UNC13C: variants seen among roughly 807,000 people sequenced by gnomAD.
The protein encoded by UNC13C is protein unc-13 homolog C.
A neutral mutation model predicts 245.4 loss-of-function variants in UNC13C; 174 were observed. That is an observed-to-expected ratio of 0.71 (90% CI 0.63 to 0.80). The LOEUF (loss-of-function observed/expected upper bound fraction) is 0.80, where lower values mean the gene tolerates loss of function less well. Ranked by LOEUF, UNC13C falls within the 30% of genes least tolerant of loss-of-function variation. The pLI is 0.00. For synonymous variants in UNC13C, 992 were observed against 895.1 expected, an observed-to-expected ratio of 1.11 and a Z score of -1.93; for missense variants, 2,829 against 2,602.9, an observed-to-expected ratio of 1.09 and a Z score of -1.89.
intron 1 of UNC13C, among the ~76,000 whole-genome samples, chr15:53,988,938 C>G (rs1280908866): frequency 1.3e-5 from 2 of 151,922 alleles, no homozygotes. Context: ...TCCATATTGT[C>G]AGTATTTTTA....
chr15:54,472,997 C>T (rs187845526), intron 19 of UNC13C, among the ~76,000 whole-genome samples: 1 of 151,592 alleles, frequency 6.6e-6, no homozygotes, highest in East Asian at 1.9e-4. Flanking sequence ...GTTATTCAAC[C>T]CTCTTTTCCC....
At chr15:54,554,273 A>C (rs2141195065) in intron 28 of UNC13C, among the ~76,000 whole-genome samples, 1 of 152,078 alleles carries the variant, frequency 6.6e-6, no homozygotes, top group African/African-American at 2.4e-5. Flanking sequence ...GGCAACTACC[A>C]AATAAAACAG....
intron 30 of UNC13C, among the ~76,000 whole-genome samples, chr15:54,597,344 A>G (rs911971894): frequency 6.6e-6 from 1 of 152,184 alleles, no homozygotes; most frequent in African/African-American, 2.4e-5. Context: ...GAAGAATCCT[A>G]CCAGGTACGT....
chr15:54,624,844 A>G (rs1015417308), intron 32 of UNC13C, among the ~76,000 whole-genome samples: 5 of 152,130 alleles, frequency 3.3e-5, no homozygotes, highest in African/African-American at 9.7e-5. Context: ...GAGCTTACTT[A>G]CAAAGGAATT....
chr15:53,931,874 G>C, the UNC13C span, among the ~76,000 whole-genome samples: 1 of 151,764 alleles, frequency 6.6e-6, no homozygotes, highest in East Asian at 1.9e-4. Flanking sequence ...TCATATCGTA[G>C]GCATGAAATC....
intron 30 of UNC13C, among the ~76,000 whole-genome samples, chr15:54,590,418 G>T (rs1206565545): frequency 6.6e-6 from 1 of 152,166 alleles, no homozygotes; most frequent in African/African-American, 2.4e-5. Context: ...ACATCCAGGA[G>T]CATGGGATGT....
intron 4 of UNC13C, among the ~76,000 whole-genome samples, chr15:54,231,926 A>G (rs1475168497): frequency 6.6e-6 from 1 of 152,066 alleles, no homozygotes; most frequent in East Asian, 1.9e-4. Flanking sequence ...TTATATATGA[A>G]TATTTCTACT....
the UNC13C span, among the ~76,000 whole-genome samples, chr15:53,931,686 A>G: frequency 3.1e-3 from 468 of 152,226 alleles, 9 homozygotes; most frequent in Non-Finnish European, 1.3e-3. Flanking sequence ...AAACCAAGGT[A>G]TACACTTGGG....
chr15:53,967,699 G>T, the UNC13C span, among the ~76,000 whole-genome samples: 1 of 152,178 alleles, frequency 6.6e-6, no homozygotes, highest in Non-Finnish European at 1.5e-5. Flanking sequence ...TAAGGTGGTG[G>T]CAGAAGGGAA....
chr15:54,469,766 C>A (rs1296248879), intron 19 of UNC13C, among the ~76,000 whole-genome samples: 1 of 151,388 alleles, frequency 6.6e-6, no homozygotes, highest in African/African-American at 2.4e-5. Flanking sequence ...ATAAAACCAA[C>A]AGTTATGAAG....
intron 4 of UNC13C, among the ~76,000 whole-genome samples, chr15:54,170,037 T>C (rs117299808): frequency 8.6e-5 from 13 of 150,590 alleles, no homozygotes; most frequent in Admixed American, 6.7e-4. Flanking sequence ...AAACCTATCA[T>C]GTACAGGGTA....
At chr15:54,022,154 C>G (rs997225264) in intron 2 of UNC13C, among the ~76,000 whole-genome samples, 9 of 152,118 alleles carry the variant, frequency 5.9e-5, no homozygotes, top group Admixed American at 5.9e-4. Context: ...TTGAAGGAAC[C>G]TCCATAGTAT....
chr15:54,548,208 C>CTTTT lies in UNC13C; in HGVS notation c.5820+1390_5820+1393dup, dbSNP rs60975842. Among the ~76,000 whole-genome samples, 422 of 61,874 alleles carry CTTTT rather than the reference C, an allele frequency of 6.8e-3. 104 individuals carry two copies. Among genetic ancestry groups the CTTTT allele is most frequent in the Non-Finnish European group, 0.011 (293 of 25,522 alleles). 40.6% of individuals were successfully genotyped at this position (61,874 alleles called of 152,430 possible). A position where few individuals can be genotyped will look rare whatever the true frequency, so the allele number is the denominator to read the frequency against. ...TGTTGTTGTTGTTTTGTTTCTTTTG[C>CTTTT]TTTTTTTTTTTTTTTTTTTTTTTTT... On this transcript the variant is annotated intron_variant, in intron 27 of 32. Coordinates refer to ENST00000260323, the MANE Select transcript of UNC13C (RefSeq NM_001080534.3).
chr15:54,196,767 A>C (rs1010591366), intron 4 of UNC13C, among the ~76,000 whole-genome samples: 2 of 152,196 alleles, frequency 1.3e-5, no homozygotes, highest in Non-Finnish European at 2.9e-5. Context: ...CAAGACTAAA[A>C]GTCCTTCATA....
At chr15:54,488,424 T>C (rs550091549) in intron 19 of UNC13C, among the ~76,000 whole-genome samples, 312 of 152,312 alleles carry the variant, frequency 2.0e-3, no homozygotes, top group Non-Finnish European at 3.3e-3. Flanking sequence ...TTAATGAAAT[T>C]ATATGTTACA....
At chr15:53,945,347 G>C in the UNC13C span, among the ~76,000 whole-genome samples, 1 of 152,076 alleles carries the variant, frequency 6.6e-6, no homozygotes, top group African/African-American at 2.4e-5. Context: ...GTATTGCCTA[G>C]GTTATCTTCT....
chr15:54,341,786 C>T (rs190478307), intron 17 of UNC13C, among the ~76,000 whole-genome samples: 1 of 152,110 alleles, frequency 6.6e-6, no homozygotes, highest in African/African-American at 2.4e-5. Context: ...ACCATCCTGG[C>T]TAACACAATG....
At chr15:54,273,484 T>A (rs1282087840) in intron 10 of UNC13C, among the ~76,000 whole-genome samples, 2 of 152,200 alleles carry the variant, frequency 1.3e-5, no homozygotes, top group Non-Finnish European at 2.9e-5. Flanking sequence ...GTTTCCCAAC[T>A]CTAGCACTCA....
At position 54,145,767 on chromosome 15, in the gene UNC13C, C is replaced by T. The variant is rs140150337; in HGVS notation, c.3071+2083C>T. Among the ~76,000 whole-genome samples, 830 of 152,326 alleles carry T rather than the reference C, an allele frequency of 5.4e-3. 7 individuals carry two copies. The highest frequency in any genetic ancestry group is 0.012 in the Admixed American group (187 of 15,294). ...GTTATAGATTCTGCACCTCCCTTCG[C>T]CTACAGCATCTATCACTTTGTAAAA... On this transcript the variant is annotated intron_variant, in intron 4 of 32. Transcript: ENST00000260323.
Sources: allele counts gnomAD v4.1 joint callset (sites outside exome capture counted in the v4.1 genomes callset), GRCh38; gene constraint gnomAD v4.1.1; transcripts MANE v1.5; gene names NCBI Gene and HGNC (gene_info 2026-07-23, HGNC 2026-07-21).